NIBAN1: variants seen among roughly 807,000 people sequenced by gnomAD.
NIBAN1 encodes the protein protein Niban 1.
In NIBAN1, 81 loss-of-function variants were observed where a neutral mutation model predicts 75.1. The ratio of observed to expected loss-of-function variants is 1.08; its 90% CI spans 0.90 to 1.30. NIBAN1 has a LOEUF of 1.30. NIBAN1 is among the 50% of genes most tolerant of loss of function. The probability of loss-of-function intolerance (pLI) is 0.00; values close to 1 mark genes in which losing one functional copy is unlikely to be tolerated. For missense variants in NIBAN1, 1,133 were observed against 1,128.1 expected (o/e 1.00, Z -0.06); for synonymous variants, 436 against 424.8 (o/e 1.03, Z -0.32).
At chr1:184,915,226 A>G (rs986759382) in intron 1 of NIBAN1, among the ~76,000 whole-genome samples, 1 of 152,256 alleles carries the variant, frequency 6.6e-6, no homozygotes, top group Non-Finnish European at 1.5e-5. Context: ...GACCTACTCA[A>G]TCAGAATCTA....
chr1:184,875,088 T>C (rs1481844656), intron 5 of NIBAN1, among the ~76,000 whole-genome samples: 1 of 152,086 alleles, frequency 6.6e-6, no homozygotes, highest in Non-Finnish European at 1.5e-5. Context: ...AAAATAATAA[T>C]AATAGAAATC....
intron 6 of NIBAN1, among the ~76,000 whole-genome samples, chr1:184,824,089 A>C (rs577416065): frequency 6.6e-6 from 1 of 152,334 alleles, no homozygotes; most frequent in African/African-American, 2.4e-5. Flanking sequence ...GGATAAGGAC[A>C]TCTTCAGCAA....
chr1:184,954,932 A>G (rs1658445108), intron 1 of NIBAN1, among the ~76,000 whole-genome samples: 1 of 152,202 alleles, frequency 6.6e-6, no homozygotes, highest in Admixed American at 6.5e-5. Context: ...TCTTTATTCG[A>G]GAACAGCTGT....
At chr1:184,865,275 G>A (rs2102280699) in intron 5 of NIBAN1, among the ~76,000 whole-genome samples, 1 of 152,226 alleles carries the variant, frequency 6.6e-6, no homozygotes, top group African/African-American at 2.4e-5. Context: ...ATACTACACA[G>A]CTATTAAAAA....
chr1:184,880,515 G>C (rs895372808), intron 5 of NIBAN1, among the ~76,000 whole-genome samples: 1 of 152,132 alleles, frequency 6.6e-6, no homozygotes, highest in Non-Finnish European at 1.5e-5. Flanking sequence ...CTAAGCACCA[G>C]TCACACAAAA....
intron 6 of NIBAN1, among the ~76,000 whole-genome samples, chr1:184,828,460 T>C (rs937399423): frequency 1.3e-5 from 2 of 152,232 alleles, no homozygotes; most frequent in African/African-American, 2.4e-5. Context: ...CCATTTTCTT[T>C]AACCACTTGG....
intron 1 of NIBAN1, among the ~76,000 whole-genome samples, chr1:184,956,249 A>T (rs1658489054): frequency 6.6e-6 from 1 of 151,346 alleles, no homozygotes; most frequent in Non-Finnish European, 1.5e-5. Flanking sequence ...CTGGCCTCAA[A>T]CTCCTGGTCT....
chr1:184,936,922 T>A lies in NIBAN1; in HGVS notation c.55+37380A>T, dbSNP rs116158167. On this transcript the variant is annotated intron_variant, in intron 1 of 13. Coordinates refer to ENST00000367511, the MANE Select transcript of NIBAN1 (RefSeq NM_052966.4). ...CCCACATTAATAAAACTCATCCCCATGATTAATATAAAGATGTTTTCAAGT... is the reference window on the plus strand; with the variant it reads ...CCCACATTAATAAAACTCATCCCCAAGATTAATATAAAGATGTTTTCAAGT... Among the ~76,000 whole-genome samples the A allele has an allele frequency of 3.6e-3, 552 of 152,220 alleles. 5 individuals are homozygous for A. Among genetic ancestry groups the A allele is most frequent in the African/African-American group, 0.013 (525 of 41,532 alleles).
chr1:184,912,648 C>T (rs1178757388), intron 1 of NIBAN1, among the ~76,000 whole-genome samples: 2 of 152,146 alleles, frequency 1.3e-5, no homozygotes, highest in Non-Finnish European at 2.9e-5. Flanking sequence ...CATATCCTCT[C>T]CCCATTTGTC....
chr1:184,895,762 T>A lies in NIBAN1; in HGVS notation c.187-1556A>T, dbSNP rs1571554736. Among the ~76,000 whole-genome samples, 8 of 152,286 alleles carry A rather than the reference T, an allele frequency of 5.3e-5. No homozygotes were observed. In the South Asian group the frequency reaches 1.7e-3, roughly 32 times the overall value. ...AGAGTCTATTCTCTCCATCTTTATG[T>A]CCATGTGTACCCATTATTTAGCTCC... is the stretch of plus-strand genomic sequence containing the variant. On this transcript the variant is annotated intron_variant, in intron 2 of 13. Coordinates refer to ENST00000367511, the MANE Select transcript of NIBAN1 (RefSeq NM_052966.4).
intron 10 of NIBAN1, among the ~76,000 whole-genome samples, chr1:184,806,554 G>T (rs2102194373): frequency 6.6e-6 from 1 of 152,152 alleles, no homozygotes; most frequent in South Asian, 2.1e-4. Context: ...CTGCACCTTT[G>T]CCTGTGTTCC....
At chr1:184,929,947 C>G (rs971041495) in intron 1 of NIBAN1, among the ~76,000 whole-genome samples, 2 of 152,190 alleles carry the variant, frequency 1.3e-5, no homozygotes, top group Non-Finnish European at 2.9e-5. Flanking sequence ...CCCTCTTAGA[C>G]AGTAACAAGA....
rs1174066517 is a variant in NIBAN1, at chr1:184,827,953, G to GTTTT, written c.717+3890_717+3893dup. ...AAGGCCTAAAAATGCGGGTAGTTTT[G>GTTTT]TTTTTTGTTTTTTTTTTTTTTTTCC... On this transcript the variant is annotated intron_variant, in intron 6 of 13. Transcript: ENST00000367511. Among the ~76,000 whole-genome samples, 51 of 100,284 alleles carry GTTTT rather than the reference G, an allele frequency of 5.1e-4. 16 individuals carry two copies. Among genetic ancestry groups the GTTTT allele is most frequent in the Non-Finnish European group, 7.5e-4 (33 of 44,262 alleles). The allele number at this position is 100,284 out of a possible 152,430, so 65.8% of individuals were successfully genotyped here.
At chr1:184,879,013 T>C (rs1656305509) in intron 5 of NIBAN1, among the ~76,000 whole-genome samples, 1 of 152,192 alleles carries the variant, frequency 6.6e-6, no homozygotes. Flanking sequence ...TATTTCTAAT[T>C]GTAGAGTACT....
chr1:184,803,758 A>C (rs763280253), intron 11 of NIBAN1, 66 bp from the exon 12 acceptor site: 8 of 1,429,510 alleles, frequency 5.6e-6, no homozygotes, highest in Non-Finnish European at 7.9e-6. Context: ...TTACTCAAAA[A>C]ACTCAGCCAC....
intron 3 of NIBAN1, among the ~76,000 whole-genome samples, chr1:184,891,397 G>A (rs1656662523): frequency 1.3e-5 from 2 of 152,160 alleles, no homozygotes; most frequent in Non-Finnish European, 2.9e-5. Flanking sequence ...AAACAATAAT[G>A]TTGAGAGAAG....
At chr1:184,923,118 A>G (rs1184301187) in intron 1 of NIBAN1, among the ~76,000 whole-genome samples, 1 of 152,184 alleles carries the variant, frequency 6.6e-6, no homozygotes, top group Non-Finnish European at 1.5e-5. Context: ...CTTATGGGAC[A>G]TTACTCAAGA....
At chr1:184,797,561 C>G (rs985665604) in intron 13 of NIBAN1, among the ~76,000 whole-genome samples, 1 of 151,202 alleles carries the variant, frequency 6.6e-6, no homozygotes, top group Non-Finnish European at 1.5e-5. Flanking sequence ...TGCATCATCA[C>G]CCTGCACCTT....
In NIBAN1 at chr1:184,803,645, C is replaced by G; in HGVS notation, c.1494G>C (p.Glu498Asp). The change falls in exon 12 of 14, where the codon GAG becomes GAC. Residue 498 changes from glutamate (E) to aspartate (D), a missense_variant. By Grantham distance (45) the Glu-to-Asp change is conservative. Transcript: ENST00000367511. The part of the protein sequence containing the change: ...SSTIRKKIFQ[E>D]ALVQITLPTV... ...TGGGAAGTGTGATTTGAACTAGTGC[C>G]TCTTGAAATATCTTCTTTCGGATGG... 6.2e-7 allele frequency: 1 copy of G among 1,614,186 alleles called. No individual in the cohort carries two copies. The highest frequency in any genetic ancestry group is 8.5e-7 in the Non-Finnish European group (1 of 1,180,030).
Sources: gnomAD v4.1 joint callset for allele counts (sites outside exome capture counted in the v4.1 genomes callset) on GRCh38, gnomAD v4.1.1 for gene constraint, MANE v1.5 for transcripts, NCBI Gene and HGNC (gene_info 2026-07-23, HGNC 2026-07-21) for gene names.